The following CDH18 variants were observed in gnomAD, a reference collection of about 807,000 sequenced individuals.
CDH18 encodes cadherin-18.
In CDH18, 31 loss-of-function variants were observed where a neutral mutation model predicts 67.9. The ratio of observed to expected loss-of-function variants is 0.46; its 90% CI spans 0.34 to 0.62. The LOEUF (loss-of-function observed/expected upper bound fraction) is 0.62. CDH18 is among the 20% of genes least tolerant of loss of function. CDH18 has a pLI of 0.01. For synonymous variants in CDH18, 362 were observed against 347.2 expected (o/e 1.04, Z -0.48); for missense variants, 890 against 975.5 (o/e 0.91, Z 1.17).
intron 1 of CDH18, among the ~76,000 whole-genome samples, chr5:20,359,293 C>G (rs182229163): frequency 6.0e-4 from 92 of 152,096 alleles, no homozygotes; most frequent in African/African-American, 2.2e-3. Context: ...ACATGTTTTG[C>G]TTATTTAATA....
At chr5:19,696,355 G>T (rs540233886) in intron 5 of CDH18, among the ~76,000 whole-genome samples, 1 of 151,352 alleles carries the variant, frequency 6.6e-6, no homozygotes, top group South Asian at 2.1e-4. Flanking sequence ...TGGTCAACAT[G>T]GTGAAACCCT....
intron 2 of CDH18, among the ~76,000 whole-genome samples, chr5:20,138,692 C>A (rs1372847853): frequency 6.6e-6 from 1 of 152,104 alleles, no homozygotes; most frequent in African/African-American, 2.4e-5. Flanking sequence ...AGAGCCAAAT[C>A]ATGAGTGAAC....
At chr5:19,705,881 T>C (rs1763883364) in intron 5 of CDH18, among the ~76,000 whole-genome samples, 1 of 152,200 alleles carries the variant, frequency 6.6e-6, no homozygotes, top group Non-Finnish European at 1.5e-5. Context: ...AAAATGAAAC[T>C]GTTTCAATTT....
At chr5:19,565,373 A>G (rs551002716) in intron 8 of CDH18, among the ~76,000 whole-genome samples, 1 of 152,234 alleles carries the variant, frequency 6.6e-6, no homozygotes, top group African/African-American at 2.4e-5. Flanking sequence ...TGTTTAGGGG[A>G]ATGTAAGGGA....
chr5:19,813,059 A>T (rs1292877625), intron 3 of CDH18, among the ~76,000 whole-genome samples: 1 of 152,128 alleles, frequency 6.6e-6, no homozygotes, highest in African/African-American at 2.4e-5. Flanking sequence ...CAAACACCGC[A>T]TGTTCCCACT....
At chr5:19,611,949 C>CGTGCGT (rs1749029951) in intron 6 of CDH18, among the ~76,000 whole-genome samples, 1 of 139,014 alleles carries the variant, frequency 7.2e-6, no homozygotes, top group Non-Finnish European at 1.6e-5. Flanking sequence ...TTGGATGATG[C>CGTGCGT]GTGTGTGTGT....
At chr5:20,155,754 G>T (rs1751475628) in intron 2 of CDH18, among the ~76,000 whole-genome samples, 1 of 152,024 alleles carries the variant, frequency 6.6e-6, no homozygotes, top group Admixed American at 6.6e-5. Context: ...TTTTGTATAT[G>T]GTAAGAGATA....
At chr5:20,093,937 A>G (rs915900784) in intron 2 of CDH18, among the ~76,000 whole-genome samples, 3 of 152,206 alleles carry the variant, frequency 2.0e-5, no homozygotes, top group East Asian at 3.9e-4. Flanking sequence ...AAGGAGAATA[A>G]TCCCATACCC....
intron 1 of CDH18, among the ~76,000 whole-genome samples, chr5:20,509,316 G>A (rs1218179779): frequency 6.6e-6 from 1 of 151,706 alleles, no homozygotes; most frequent in Non-Finnish European, 1.5e-5. Context: ...ATATAAGTGA[G>A]ATCATGTGGT....
intron 2 of CDH18, among the ~76,000 whole-genome samples, chr5:20,144,869 T>C (rs1451950153): frequency 2.0e-5 from 3 of 152,088 alleles, no homozygotes; most frequent in African/African-American, 4.8e-5. Context: ...GACAGAGACA[T>C]ACACATAGTG....
intron 1 of CDH18, among the ~76,000 whole-genome samples, chr5:20,482,735 GAA>G (rs1209938637): frequency 5.9e-5 from 9 of 151,806 alleles, no homozygotes; most frequent in Non-Finnish European, 1.3e-4. Context: ...TCTTCCTGAT[GAA>G]AACTCTCAAA....
chr5:19,750,455 A>C (rs573775073), intron 3 of CDH18, among the ~76,000 whole-genome samples: 1 of 152,250 alleles, frequency 6.6e-6, no homozygotes, highest in South Asian at 2.1e-4. Flanking sequence ...CAGACACAGA[A>C]AACTTGACAA....
chr5:20,291,734 G>A (rs1157365658), intron 1 of CDH18, among the ~76,000 whole-genome samples: 1 of 152,124 alleles, frequency 6.6e-6, no homozygotes, highest in African/African-American at 2.4e-5. Flanking sequence ...AAAGGAAAAG[G>A]ACATAGTTTC....
At chr5:20,009,473 T>G (rs918202924) in intron 2 of CDH18, among the ~76,000 whole-genome samples, 5 of 152,120 alleles carry the variant, frequency 3.3e-5, no homozygotes, top group Non-Finnish European at 5.9e-5. Context: ...CAGGTAGTCA[T>G]TGAATATTAA....
chr5:20,096,102 A>G (rs1041411986), intron 2 of CDH18, among the ~76,000 whole-genome samples: 3 of 152,222 alleles, frequency 2.0e-5, no homozygotes, highest in Admixed American at 2.0e-4. Context: ...TATTGACTAA[A>G]ATTCTGCAAA....
intron 1 of CDH18, among the ~76,000 whole-genome samples, chr5:20,452,399 C>T (rs1002255531): frequency 6.6e-6 from 1 of 152,050 alleles, no homozygotes; most frequent in Non-Finnish European, 1.5e-5. Context: ...TGGATAAAAA[C>T]ATACACACCA....
At chr5:19,904,465 T>C (rs1467630304) in intron 2 of CDH18, among the ~76,000 whole-genome samples, 3 of 151,322 alleles carry the variant, frequency 2.0e-5, no homozygotes, top group Admixed American at 2.0e-4. Flanking sequence ...AGACTGGGAA[T>C]TGGAGAGACA....
chr5:19,844,925 T>A (rs1196745620), intron 2 of CDH18, among the ~76,000 whole-genome samples: 1 of 152,242 alleles, frequency 6.6e-6, no homozygotes, highest in East Asian at 1.9e-4. Flanking sequence ...TCAAACAAAT[T>A]TATTTGTTGC....
rs185787228 is a variant in CDH18 at position 20,474,207 on chromosome 5, C to T, written c.-580+101255G>A. 1.4e-3 allele frequency among the ~76,000 whole-genome samples: 213 copies of T among 152,112 alleles called. 1 individual carries two copies. Among genetic ancestry groups the T allele is most frequent in the Non-Finnish European group, 2.0e-3 (139 of 67,980 alleles). On this transcript the variant is annotated intron_variant, in intron 1 of 14. Coordinates refer to the CDH18 transcript ENST00000507958. ...AGGAGAGTGGCGTGAACCCAGGAGG[C>T]GGAGCTTGCAGTGAGCCGAGATCCC...
Sources: gnomAD v4.1 joint callset for allele counts (sites outside exome capture counted in the v4.1 genomes callset) on GRCh38, gnomAD v4.1.1 for gene constraint, MANE v1.5 for transcripts, NCBI Gene and HGNC (gene_info 2026-07-23, HGNC 2026-07-21) for gene names.